The following ITPR1 variants were observed in gnomAD, a reference collection of about 807,000 sequenced individuals.
ITPR1 encodes inositol 1,4,5-trisphosphate receptor type 1, also known as inositol 1,4,5-trisphosphate-gated calcium channel ITPR1.
Under a neutral mutation model 318.4 loss-of-function variants are expected in ITPR1, and 96 were observed. The ratio of observed to expected loss-of-function variants is 0.30; its 90% CI spans 0.26 to 0.36. ITPR1 has a LOEUF of 0.36. Ranked by LOEUF, ITPR1 falls within the 10% of genes least tolerant of loss-of-function variation. The probability of loss-of-function intolerance (pLI) is 1.00; values close to 1 mark genes in which losing one functional copy is unlikely to be tolerated. For synonymous variants in ITPR1, 1,312 were observed against 1,289.9 expected, an observed-to-expected ratio of 1.02 and a Z score of -0.37; for missense variants, 2,440 against 3,460.2, an observed-to-expected ratio of 0.71 and a Z score of 7.40.
intron 4 of ITPR1, among the ~76,000 whole-genome samples, chr3:4,587,211 G>A (rs1196047073): frequency 6.9e-6 from 1 of 144,054 alleles, no homozygotes; most frequent in African/African-American, 2.7e-5. Flanking sequence ...TGAGGCCCAA[G>A]GGCCTGCATT....
At chr3:4,556,894 G>C (rs1351431575) in intron 4 of ITPR1, among the ~76,000 whole-genome samples, 1 of 152,148 alleles carries the variant, frequency 6.6e-6, no homozygotes, top group Non-Finnish European at 1.5e-5. Flanking sequence ...GATGGCTTTT[G>C]AGTGCTGATA....
rs571953529 is a variant in ITPR1 at position 4,547,652 on chromosome 3, A to G, written c.163+26558A>G. Among the ~76,000 whole-genome samples the G allele has an allele frequency of 1.4e-3, 213 of 152,354 alleles. 1 individual carries two copies. The highest frequency in any genetic ancestry group is 4.8e-3 in the African/African-American group (199 of 41,566). ...TTACTTAAACTGTAGCATAATATCCACATCAAGAAAGGTGATCTGTTAGGA... is the reference window on the plus strand; with the variant it reads ...TTACTTAAACTGTAGCATAATATCCGCATCAAGAAAGGTGATCTGTTAGGA... On this transcript the variant is annotated intron_variant, in intron 4 of 61. Transcript: ENST00000649015.
chr3:4,676,047 T>G (rs1310044241), intron 23 of ITPR1, among the ~76,000 whole-genome samples: 1 of 152,058 alleles, frequency 6.6e-6, no homozygotes, highest in Non-Finnish European at 1.5e-5. Context: ...TAGTTGATGA[T>G]CAATAAAATT....
At chr3:4,597,553 C>T (rs1366043201) in intron 4 of ITPR1, among the ~76,000 whole-genome samples, 1 of 152,098 alleles carries the variant, frequency 6.6e-6, no homozygotes, top group Non-Finnish European at 1.5e-5. Context: ...GAGATGACTT[C>T]TGGCTGGCAT....
At chr3:4,652,578 A>G (rs971036770) in intron 11 of ITPR1, among the ~76,000 whole-genome samples, 10 of 152,164 alleles carry the variant, frequency 6.6e-5, no homozygotes, top group Non-Finnish European at 1.0e-4. Flanking sequence ...CAGAAACATG[A>G]TATGTGGAAC....
chr3:4,546,760 C>T (rs1442110138), intron 4 of ITPR1, among the ~76,000 whole-genome samples: 4 of 138,152 alleles, frequency 2.9e-5, no homozygotes, highest in Admixed American at 7.3e-5. Flanking sequence ...CAACTCTGAC[C>T]TTTTTTTTTT....
chr3:4,612,742 C>T (rs2092210901), intron 4 of ITPR1, among the ~76,000 whole-genome samples: 1 of 152,022 alleles, frequency 6.6e-6, no homozygotes. Flanking sequence ...CAAAAATTAG[C>T]CAGGTGTGGT....
chr3:4,528,408 C>T (rs1408757347), intron 4 of ITPR1, among the ~76,000 whole-genome samples: 1 of 152,132 alleles, frequency 6.6e-6, no homozygotes, highest in East Asian at 1.9e-4. Context: ...GGTCTTGGGT[C>T]ACAAAGGTCA....
chr3:4,761,132 G>GT (rs977531218), intron 44 of ITPR1, among the ~76,000 whole-genome samples: 1 of 152,024 alleles, frequency 6.6e-6, no homozygotes, highest in Non-Finnish European at 1.5e-5. Context: ...CCATTTTGGT[G>GT]TTTTTTTCAA....
intron 35 of ITPR1, among the ~76,000 whole-genome samples, chr3:4,700,229 A>G (rs1237261682): frequency 2.0e-5 from 3 of 152,170 alleles, no homozygotes; most frequent in Non-Finnish European, 4.4e-5. Context: ...AATCCTAGAG[A>G]TAACATTTAT....
intron 53 of ITPR1, among the ~76,000 whole-genome samples, chr3:4,797,056 G>T (rs557988192): frequency 6.6e-6 from 1 of 152,200 alleles, no homozygotes; most frequent in East Asian, 1.9e-4. Context: ...TCTGCAGGAG[G>T]CAAGGATGCA....
At chr3:4,709,343 T>A (rs1338937070) in intron 37 of ITPR1, among the ~76,000 whole-genome samples, 1 of 152,270 alleles carries the variant, frequency 6.6e-6, no homozygotes, top group African/African-American at 2.4e-5. Context: ...ATTACATTCA[T>A]CACCCAAATT....
chr3:4,653,323 A>G (rs959793715), intron 11 of ITPR1, among the ~76,000 whole-genome samples: 2 of 152,102 alleles, frequency 1.3e-5, no homozygotes, highest in African/African-American at 4.8e-5. Flanking sequence ...ACATGAAGTG[A>G]TGATTTTGAT....
chr3:4,586,793 C>T (rs759602036), intron 4 of ITPR1, among the ~76,000 whole-genome samples: 8 of 151,022 alleles, frequency 5.3e-5, no homozygotes, highest in African/African-American at 9.8e-5. Context: ...AGATTAAATG[C>T]ATATTGGTTT....
chr3:4,751,415 G>A (rs1357193744), intron 44 of ITPR1: 1 of 152,238 alleles, frequency 6.6e-6, no homozygotes, highest in African/African-American at 2.4e-5. Flanking sequence ...TGGCCACAGA[G>A]GCTTCTGAGA....
intron 4 of ITPR1, 76 bp downstream of exon 4, chr3:4,521,170 T>C: frequency 1.0e-6 from 1 of 973,194 alleles, no homozygotes; most frequent in South Asian, 1.4e-5. Flanking sequence ...GGTGTGTGTG[T>C]GTGTTTATAA....
At chr3:4,805,354 G>A (rs147376953) in intron 54 of ITPR1, among the ~76,000 whole-genome samples, 4 of 152,288 alleles carry the variant, frequency 2.6e-5, no homozygotes, top group East Asian at 1.9e-4. Context: ...ATCTTTGGCT[G>A]CAATCCCAAG....
At chr3:4,541,296 AAAATATTCACTTTTAATTCTCTG>A (rs1256573577) in intron 4 of ITPR1, among the ~76,000 whole-genome samples, 1 of 152,306 alleles carries the variant, frequency 6.6e-6, no homozygotes, top group East Asian at 1.9e-4. Flanking sequence ...ATTTTGTTTG[AAAATATTCACTTTTAATTCTCTG>A]AAAATTTTAC....
chr3:4,528,737 G>T (rs539762856), intron 4 of ITPR1, among the ~76,000 whole-genome samples: 144 of 152,310 alleles, frequency 9.5e-4, no homozygotes, highest in African/African-American at 3.3e-3. Flanking sequence ...TCAAGTATAT[G>T]CCTTGAGGCA....
Sources: allele counts gnomAD v4.1 joint callset (sites outside exome capture counted in the v4.1 genomes callset), GRCh38; gene constraint gnomAD v4.1.1; transcripts MANE v1.5; gene names NCBI Gene and HGNC (gene_info 2026-07-23, HGNC 2026-07-21).